The following ZNF536 variants were observed in gnomAD, a reference collection of about 807,000 sequenced individuals.
The protein encoded by ZNF536 is zinc finger protein 536.
Under a neutral mutation model 84.5 loss-of-function variants are expected in ZNF536, and 13 were observed. The observed-to-expected ratio is 0.15, with a 90% CI of 0.10 to 0.24. The LOEUF is 0.24. Among genes scored for constraint, ZNF536 ranks in the 10% least tolerant of loss-of-function variants. The pLI, the probability that ZNF536 is intolerant of heterozygous loss-of-function variation, is 1.00. For synonymous variants in ZNF536, 811 were observed against 742.5 expected (o/e 1.09, Z -1.50); for missense variants, 1,536 against 1,747.5 (o/e 0.88, Z 2.16).
intron 1 of ZNF536, among the ~76,000 whole-genome samples, chr19:30,630,304 G>T (rs1031170246): frequency 5.3e-5 from 8 of 152,184 alleles, no homozygotes; most frequent in Admixed American, 2.0e-4. Flanking sequence ...GTAATTGCGG[G>T]TGATTGCAAA....
intron 2 of ZNF536, among the ~76,000 whole-genome samples, chr19:30,471,629 G>T (rs927179292): frequency 5.3e-5 from 8 of 152,214 alleles, no homozygotes; most frequent in Non-Finnish European, 1.2e-4. Context: ...GGCTGAGGAG[G>T]ATCCTAGGTA....
chr19:30,684,571 A>G (rs1195594933), intron 1 of ZNF536, among the ~76,000 whole-genome samples: 1 of 152,206 alleles, frequency 6.6e-6, no homozygotes, highest in Non-Finnish European at 1.5e-5. Context: ...TAAGGGCAAA[A>G]TCATGGCAAT....
intron 1 of ZNF536, among the ~76,000 whole-genome samples, chr19:30,405,067 A>G (rs974799996): frequency 2.6e-5 from 4 of 152,162 alleles, no homozygotes; most frequent in African/African-American, 7.2e-5. Flanking sequence ...GGGAGCTTCC[A>G]CGCCTTCCCT....
chr19:30,306,120 A>C (rs575839201), intron 2 of ZNF536, among the ~76,000 whole-genome samples: 2 of 142,660 alleles, frequency 1.4e-5, no homozygotes, highest in African/African-American at 5.2e-5. Context: ...TTAATTCTAC[A>C]CTCCTTTTTT....
chr19:30,609,643 G>T (rs2048017574), intron 1 of ZNF536, among the ~76,000 whole-genome samples: 1 of 152,150 alleles, frequency 6.6e-6, no homozygotes, highest in African/African-American at 2.4e-5. Context: ...TAGTTAGGTT[G>T]GCCATCAGTG....
At chr19:30,267,982 T>C (rs549398726) in intron 1 of ZNF536, among the ~76,000 whole-genome samples, 3 of 151,952 alleles carry the variant, frequency 2.0e-5, no homozygotes, top group African/African-American at 7.2e-5. Flanking sequence ...GGCACACCTA[T>C]ATAATTTCTC....
chr19:30,617,013 G>A (rs185834205), intron 1 of ZNF536, among the ~76,000 whole-genome samples: 11 of 152,020 alleles, frequency 7.2e-5, no homozygotes, highest in South Asian at 2.1e-4. Flanking sequence ...TTCTGATTTC[G>A]TGAATTTGGG....
At chr19:30,319,006 A>G (rs1438785340) in intron 2 of ZNF536, among the ~76,000 whole-genome samples, 1 of 152,234 alleles carries the variant, frequency 6.6e-6, no homozygotes, top group Non-Finnish European at 1.5e-5. Flanking sequence ...CTGGATGGAC[A>G]TGAATCGGCT....
chr19:30,343,014 TGGTCTGGCTGCTGCAG>T (rs1236696476), intron 2 of ZNF536, among the ~76,000 whole-genome samples: 1 of 152,184 alleles, frequency 6.6e-6, no homozygotes, highest in African/African-American at 2.4e-5. Flanking sequence ...GGCCAGGTGA[TGGTCTGGCTGCTGCAG>T]GGTGTTCCAG....
intron 2 of ZNF536, among the ~76,000 whole-genome samples, chr19:30,473,037 CAAAAAAA>C (rs57627848): frequency 9.3e-6 from 1 of 107,372 alleles, no homozygotes; most frequent in Non-Finnish European, 2.2e-5. Context: ...ACTAAGAATA[CAAAAAAA>C]AAAAAAAAAA....
At chr19:30,383,771 C>T (rs1285165496) in intron 1 of ZNF536, among the ~76,000 whole-genome samples, 6 of 89,410 alleles carry the variant, frequency 6.7e-5, no homozygotes, top group Non-Finnish European at 1.2e-4. Context: ...TTCTTTCTTT[C>T]TTTTCTTTCT....
Position 30,357,165 on chromosome 19 carries a change from G to A in ZNF536, c.-3+4681G>A, listed in dbSNP as rs933263228. 4.2e-4 allele frequency among the ~76,000 whole-genome samples: 64 copies of A among 152,354 alleles called. 1 individual carries two copies. The highest frequency in any genetic ancestry group is 1.4e-3 in the African/African-American group (60 of 41,580). On this transcript the variant is annotated intron_variant, in intron 3 of 5. Transcript: ENST00000585628. ...GCAGGAGAATGGGTGGGGAAGGACA[G>A]GGGTAGTATCTGTACTTGAGAGAGG...
chr19:30,689,685 G>A (rs1368363128), intron 1 of ZNF536, among the ~76,000 whole-genome samples: 1 of 152,182 alleles, frequency 6.6e-6, no homozygotes, highest in African/African-American at 2.4e-5. Context: ...AGGACCATCT[G>A]GGGGCAAATG....
At chr19:30,701,318 CACACAA>C (rs575907329) in intron 1 of ZNF536, among the ~76,000 whole-genome samples, 142 of 151,750 alleles carry the variant, frequency 9.4e-4, no homozygotes, top group African/African-American at 3.0e-3. Flanking sequence ...CACACAGACA[CACACAA>C]ACACAAACAC....
intron 1 of ZNF536, among the ~76,000 whole-genome samples, chr19:30,239,962 G>A (rs781488151): frequency 9.2e-5 from 14 of 152,176 alleles, no homozygotes; most frequent in Non-Finnish European, 1.9e-4. Context: ...AGACTTGTCA[G>A]CTAGCCTTCT....
chr19:30,615,047 C>T (rs953314889), intron 1 of ZNF536, among the ~76,000 whole-genome samples: 1 of 136,602 alleles, frequency 7.3e-6, no homozygotes, highest in African/African-American at 2.8e-5. Context: ...CCCGGGTTCA[C>T]GCCATTCTCC....
intron 2 of ZNF536, among the ~76,000 whole-genome samples, chr19:30,511,261 TGGG>T (rs1368744693): frequency 2.0e-5 from 3 of 152,272 alleles, no homozygotes; most frequent in Non-Finnish European, 2.9e-5. Context: ...TCTCGCAGCT[TGGG>T]GCTCCTGACT....
intron 1 of ZNF536, among the ~76,000 whole-genome samples, chr19:30,401,547 G>A (rs925070448): frequency 2.6e-5 from 4 of 152,182 alleles, no homozygotes; most frequent in African/African-American, 9.7e-5. Flanking sequence ...ACTGTTTTGG[G>A]TCTCTTTTCA....
intron 1 of ZNF536, among the ~76,000 whole-genome samples, chr19:30,696,286 G>A (rs1196464025): frequency 6.6e-6 from 1 of 152,160 alleles, no homozygotes; most frequent in Non-Finnish European, 1.5e-5. Flanking sequence ...CAGCCCCTCC[G>A]CTCCCGGCTC....
Sources: gnomAD v4.1 joint callset for allele counts (sites outside exome capture counted in the v4.1 genomes callset) on GRCh38, gnomAD v4.1.1 for gene constraint, MANE v1.5 for transcripts, NCBI Gene and HGNC (gene_info 2026-07-23, HGNC 2026-07-21) for gene names.